C1orf226: variants seen among roughly 807,000 people sequenced by gnomAD.
C1orf226 encodes the protein uncharacterized protein C1orf226.
Under a neutral mutation model 10.5 loss-of-function variants are expected in C1orf226, and 4 were observed. The observed-to-expected ratio is 0.38, with a 90% CI of 0.19 to 0.87. The LOEUF (loss-of-function observed/expected upper bound fraction) is 0.87, where lower values mean the gene tolerates loss of function less well. Among genes scored for constraint, C1orf226 ranks in the 40% least tolerant of loss-of-function variants. C1orf226 has a pLI of 0.41. For missense variants in C1orf226, 313 were observed against 336.2 expected (o/e 0.93, Z 0.54); for synonymous variants, 125 against 139.3 (o/e 0.90, Z 0.72).
chr1:162,386,729 T>C lies in C1orf226; in HGVS notation c.*3046T>C, dbSNP rs1648119217. On this transcript the variant is annotated 3_prime_UTR_variant, in exon 2 of 2. Coordinates refer to ENST00000458626, the MANE Select transcript of C1orf226 (RefSeq NM_001085375.2). ...GAGGAGGAAGATTACAGATCTATTC[T>C]GAGTATTTTTTAGAGAGTTAATATT... is the stretch of plus-strand genomic sequence containing the variant. 6.6e-6 allele frequency: 1 copy of C among 152,238 alleles called. No homozygotes were observed. The highest frequency in any genetic ancestry group is 1.5e-5 in the Non-Finnish European group (1 of 68,044). The allele number at this position is 152,238 out of a possible 1,614,324, so 9.4% of individuals were successfully genotyped here.
upstream of C1orf226, among the ~76,000 whole-genome samples, chr1:162,379,283 G>T (rs1313395313): frequency 6.6e-6 from 1 of 151,870 alleles, no homozygotes; most frequent in Non-Finnish European, 1.5e-5. Context: ...AGGGATAAAG[G>T]GACCCCCCAG....
At position 162,383,664 on chromosome 1, in the gene C1orf226, A is replaced by T; in HGVS notation, c.800A>T (p.Asp267Val). 2 of 1,605,580 alleles carry T rather than the reference A, an allele frequency of 1.2e-6. No individual in the cohort carries two copies. Among genetic ancestry groups the T allele is most frequent in the Non-Finnish European group, 1.7e-6 (2 of 1,176,968 alleles). ...SSLDNEGPHP[D>V]LLSFE Reference sequence around the variant, plus strand: ...CTCGACAATGAGGGCCCTCACCCAGACCTGCTGTCCTTTGAATAGAGCCTC... The same window carrying T: ...CTCGACAATGAGGGCCCTCACCCAGTCCTGCTGTCCTTTGAATAGAGCCTC... Residue 267 changes from aspartate (D) to valine (V), a missense_variant, in exon 2 of 2, where the codon GAC becomes GTC. Physicochemically the swap from Asp to Val is radical, Grantham distance 152. Coordinates refer to ENST00000458626, the MANE Select transcript of C1orf226 (RefSeq NM_001085375.2).
rs561172347 is a variant in C1orf226, at chr1:162,383,088, G to A, written c.318-94G>A. The A allele has an allele frequency of 3.9e-5, 50 of 1,292,542 alleles. No individual in the cohort carries two copies. In the East Asian group the frequency reaches 1.1e-3, roughly 29 times the overall value. 80.1% of individuals were successfully genotyped at this position (1,292,542 alleles called of 1,614,324 possible). A position where few individuals can be genotyped will look rare whatever the true frequency, so the allele number is the denominator to read the frequency against. Reference sequence around the variant, plus strand: ...GAGCAGTTATTGGGTGGGGTGGGTTGAAAGTGCAGTTGGAGTTGGAGAAGC... The same window carrying A: ...GAGCAGTTATTGGGTGGGGTGGGTTAAAAGTGCAGTTGGAGTTGGAGAAGC... On this transcript the variant is annotated intron_variant, in intron 1 of 1. Transcript: ENST00000458626.
Position 162,386,799 on chromosome 1 carries a change from A to T in C1orf226, c.*3116A>T, listed in dbSNP as rs1648120565. ...TGGTAGAAGGAAATTGCACAATAAAATGATTTGGTTTGGTTTGCTGGCTTT... is the reference window on the plus strand; with the variant it reads ...TGGTAGAAGGAAATTGCACAATAAATTGATTTGGTTTGGTTTGCTGGCTTT... On this transcript the variant is annotated 3_prime_UTR_variant, in exon 2 of 2. Transcript: ENST00000458626. 1 of 152,330 alleles carries T rather than the reference A, an allele frequency of 6.6e-6. No homozygotes were observed. The highest frequency in any genetic ancestry group is 6.5e-5 in the Admixed American group (1 of 15,306). The allele number at this position is 152,330 out of a possible 1,614,324, so 9.4% of individuals were successfully genotyped here.
At chr1:162,383,100 G>A in intron 1 of C1orf226, 82 bp from the exon 2 acceptor site, 1 of 1,376,730 alleles carries the variant, frequency 7.3e-7, no homozygotes. Context: ...AAGTGCAGTT[G>A]GAGTTGGAGA....
upstream of C1orf226, chr1:162,381,662 T>G (rs1274476737): frequency 7.3e-7 from 1 of 1,363,400 alleles, no homozygotes; most frequent in East Asian, 2.9e-5. Context: ...ATGGCTAGCA[T>G]TAGTCACTGA....
In C1orf226 at chr1:162,385,883, G is replaced by A. The variant is rs1174475488; in HGVS notation, c.*2200G>A. 6.7e-6 allele frequency: 1 copy of A among 150,020 alleles called. No individual in the cohort carries two copies. The highest frequency in any genetic ancestry group is 1.5e-5 in the Non-Finnish European group (1 of 68,136). The allele number at this position is 150,020 out of a possible 1,614,324, so 9.3% of individuals were successfully genotyped here. A position where few individuals can be genotyped will look rare whatever the true frequency, so the allele number is the denominator to read the frequency against. The stretch of plus-strand genomic sequence containing the variant: ...TATGGCAGCCATAGGTACAGGTATT[G>A]CAGGTGCAGCCTTTCTTAAGTACCC... On this transcript the variant is annotated 3_prime_UTR_variant, in exon 2 of 2. Transcript: ENST00000458626.
chr1:162,384,945 C>T lies in C1orf226; in HGVS notation c.*1262C>T, dbSNP rs1648058198. The T allele has an allele frequency of 2.0e-5, 3 of 152,730 alleles. No individual in the cohort carries two copies. The highest frequency in any genetic ancestry group is 6.5e-5 in the Admixed American group (1 of 15,282). 9.5% of individuals were successfully genotyped at this position (152,730 alleles called of 1,614,324 possible). A position where few individuals can be genotyped will look rare whatever the true frequency, so the allele number is the denominator to read the frequency against. ...CATGTAAGGGACTGACCAGGTTCAT[C>T]CAGCCTTAACTGGTTCCTGCAACCC... On this transcript the variant is annotated 3_prime_UTR_variant, in exon 2 of 2. Transcript: ENST00000458626.
chr1:162,382,619 G>A (rs10919302), intron 1 of C1orf226, among the ~76,000 whole-genome samples: 34,140 of 152,156 alleles, frequency 0.22, 4,406 homozygotes, highest in South Asian at 0.34. Context: ...ATAGTACTTG[G>A]CAGAGCTGGA....
At chr1:162,382,856 G>A (rs1459584820) in intron 1 of C1orf226, among the ~76,000 whole-genome samples, 1 of 152,216 alleles carries the variant, frequency 6.6e-6, no homozygotes, top group Non-Finnish European at 1.5e-5. Context: ...AGGTGGGAAT[G>A]CCCTCACATT....
chr1:162,381,620 A>G (rs1314543100), upstream of C1orf226: 2 of 1,084,472 alleles, frequency 1.8e-6, no homozygotes, highest in Admixed American at 4.1e-5. Flanking sequence ...TGAGTCAAGG[A>G]GGCAGGTTTA....
chr1:162,379,540 A>C (rs147776814), upstream of C1orf226, among the ~76,000 whole-genome samples: 23 of 152,382 alleles, frequency 1.5e-4, no homozygotes, highest in Admixed American at 1.4e-3. Flanking sequence ...GCATTGTAGA[A>C]GATAAAGAAA....
At position 162,385,756 on chromosome 1, in the gene C1orf226, C is replaced by G. The variant is rs1230852713; in HGVS notation, c.*2073C>G. ...GAGCAAGCCACTTCATCTGAGCTTC[C>G]CATACCAGGAGCATGGTTTGTGCTT... On this transcript the variant is annotated 3_prime_UTR_variant, in exon 2 of 2. Transcript: ENST00000458626. 6.6e-6 allele frequency: 1 copy of G among 152,154 alleles called. No individual in the cohort carries two copies. Among genetic ancestry groups the G allele is most frequent in the Non-Finnish European group, 1.5e-5 (1 of 68,046 alleles). The allele number at this position is 152,154 out of a possible 1,614,324, so 9.4% of individuals were successfully genotyped here. A position where few individuals can be genotyped will look rare whatever the true frequency, so the allele number is the denominator to read the frequency against.
At chr1:162,380,444 G>A (rs1206350679), upstream of C1orf226, among the ~76,000 whole-genome samples, 1 of 152,232 alleles carries the variant, frequency 6.6e-6, no homozygotes. Flanking sequence ...ATACAGCAGT[G>A]CAGGGCAGAA....
upstream of C1orf226, among the ~76,000 whole-genome samples, chr1:162,380,061 T>C (rs891125694): frequency 1.3e-5 from 2 of 152,224 alleles, no homozygotes; most frequent in Non-Finnish European, 2.9e-5. Context: ...ATAAGAAGGA[T>C]GTGGGACCTG....
Position 162,383,924 on chromosome 1 carries a change from T to G in C1orf226, c.*241T>G. ...TGATGCCGTTTTGAGCCTAATTTTCTGTAACCTCCTCTGAGTGGGCTGCAG... is the reference window on the plus strand; with the variant it reads ...TGATGCCGTTTTGAGCCTAATTTTCGGTAACCTCCTCTGAGTGGGCTGCAG... On this transcript the variant is annotated 3_prime_UTR_variant, in exon 2 of 2. Coordinates refer to ENST00000458626, the MANE Select transcript of C1orf226 (RefSeq NM_001085375.2). 1.9e-6 allele frequency: 1 copy of G among 532,182 alleles called. No homozygotes were observed. The highest frequency in any genetic ancestry group is 3.3e-6 in the Non-Finnish European group (1 of 302,260). The allele number at this position is 532,182 out of a possible 1,614,324, so 33.0% of individuals were successfully genotyped here. A position where few individuals can be genotyped will look rare whatever the true frequency, so the allele number is the denominator to read the frequency against.
chr1:162,383,082 T>G, intron 1 of C1orf226, 100 bp from the exon 2 acceptor site: 1 of 1,154,474 alleles, frequency 8.7e-7, no homozygotes, highest in Non-Finnish European at 1.2e-6. Flanking sequence ...TTGGGTGGGG[T>G]GGGTTGAAAG....
Position 162,386,004 on chromosome 1 carries a change from G to A in C1orf226, c.*2321G>A, listed in dbSNP as rs1407240453. The A allele has an allele frequency of 6.6e-6, 1 of 152,560 alleles. No individual in the cohort carries two copies. The highest frequency in any genetic ancestry group is 1.5e-5 in the Non-Finnish European group (1 of 68,360). The allele number at this position is 152,560 out of a possible 1,614,324, so 9.5% of individuals were successfully genotyped here. On this transcript the variant is annotated 3_prime_UTR_variant, in exon 2 of 2. Transcript: ENST00000458626. ...ACCAGGTTGTCCAGGACCATTGCCA[G>A]GGTGACCCCAGAGTTCTTCAGACCT...
Position 162,383,525 on chromosome 1 carries a change from G to A in C1orf226, c.661G>A (p.Ala221Thr). ...GCTAAAGATGACTGAGTGCAGAAGG[G>A]CCTCCTCCCCCAGCCTTATCGAGAG... is the stretch of plus-strand genomic sequence containing the variant. ...SKLKMTECRR[A>T]SSPSLIERNG... Residue 221 changes from alanine to threonine, a missense_variant, in exon 2 of 2, where the codon GCC becomes ACC. Transcript: ENST00000458626. The A allele has an allele frequency of 6.2e-7, 1 of 1,605,606 alleles. No homozygotes were observed. Among genetic ancestry groups the A allele is most frequent in the Non-Finnish European group, 8.5e-7 (1 of 1,175,658 alleles).
Sources: gnomAD v4.1 joint callset for allele counts (sites outside exome capture counted in the v4.1 genomes callset) on GRCh38, gnomAD v4.1.1 for gene constraint, MANE v1.5 for transcripts, NCBI Gene and HGNC (gene_info 2026-07-23, HGNC 2026-07-21) for gene names.